The following SPTBN4 variants were observed in gnomAD, a reference collection of about 807,000 sequenced individuals.
The protein encoded by SPTBN4 is spectrin beta chain, non-erythrocytic 4.
Under a neutral mutation model 277.8 loss-of-function variants are expected in SPTBN4, and 96 were observed. The ratio of observed to expected loss-of-function variants is 0.35; its 90% CI spans 0.29 to 0.41. The LOEUF (loss-of-function observed/expected upper bound fraction) is 0.41. SPTBN4 is among the 10% of genes least tolerant of loss of function. SPTBN4 has a pLI of 1.00. For missense variants in SPTBN4, 3,006 were observed against 3,595.7 expected (o/e 0.84, Z 4.19); for synonymous variants, 1,481 against 1,580.3 (o/e 0.94, Z 1.49).
chr19:40,530,407 GGGCAGGGAGGCA>G (rs1474096731), intron 18 of SPTBN4: 10 of 731,360 alleles, frequency 1.4e-5, no homozygotes, highest in Non-Finnish European at 1.7e-5. Flanking sequence ...GCAAAGAGGC[GGGCAGGGAGGCA>G]GGCAGGGGGC....
chr19:40,571,067 T>A, intron 33 of SPTBN4: 7 of 261,616 alleles, frequency 2.7e-5, no homozygotes, highest in Non-Finnish European at 3.7e-5. Flanking sequence ...AGAGCTTAGG[T>A]GGGAACAGAA....
In SPTBN4 at chr19:40,534,121, C is replaced by A. The variant is rs754849211; in HGVS notation, c.4137C>A (p.Ala1379=). The A allele has an allele frequency of 6.2e-7, 1 of 1,610,066 alleles. No individual in the cohort carries two copies. The highest frequency in any genetic ancestry group is 1.1e-5 in the South Asian group (1 of 90,752). ...QLMQEKPELA[A]SVRKKLGEIR... ...TGCAGGAGAAGCCCGAACTGGCGGC[C>A]TCCGTGCGGAAGAAGCTGGGCGAGA... Residue 1379 remains alanine, a synonymous_variant, in exon 20 of 36, where the codon GCC becomes GCA. Coordinates refer to ENST00000598249, the MANE Select transcript of SPTBN4 (RefSeq NM_020971.3).
At chr19:40,530,732 AC>A in intron 18 of SPTBN4, 1 of 225,840 alleles carries the variant, frequency 4.4e-6, no homozygotes, top group Non-Finnish European at 7.0e-6. Context: ...AGGCGCCCGG[AC>A]CCCCACCCTG....
intron 7 of SPTBN4, among the ~76,000 whole-genome samples, chr19:40,498,373 TTTTATTTATTTATTTATTTATTTA>T (rs372763000): frequency 9.3e-4 from 131 of 141,160 alleles, no homozygotes; most frequent in African/African-American, 3.2e-3. Context: ...TTTTATTTTA[TTTTATTTATTTATTTATTTATTTA>T]TTTATTTATT....
chr19:40,495,025 A>G, intron 6 of SPTBN4, 48 bp downstream of exon 6: 2 of 1,562,708 alleles, frequency 1.3e-6, no homozygotes, highest in Middle Eastern at 1.7e-4. Flanking sequence ...AGCCCCCCAT[A>G]TCCCTGCAGC....
chr19:40,467,409 C>T (rs916413895), intron 1 of SPTBN4, 104 bp downstream of exon 1: 2 of 152,464 alleles, frequency 1.3e-5, no homozygotes, highest in Non-Finnish European at 2.9e-5. Context: ...CCGGGTCTCC[C>T]CGGCTGGAGG....
intron 2 of SPTBN4, among the ~76,000 whole-genome samples, chr19:40,485,253 G>A (rs1385919081): frequency 3.9e-5 from 6 of 152,148 alleles, no homozygotes; most frequent in African/African-American, 1.4e-4. Flanking sequence ...TGGTTCAAGC[G>A]ATTGTCATCC....
rs1341879730 is a variant in SPTBN4 at position 40,524,718 on chromosome 19, A to G, written c.3857+1079A>G. On this transcript the variant is annotated intron_variant, in intron 17 of 35. Coordinates refer to ENST00000598249, the MANE Select transcript of SPTBN4 (RefSeq NM_020971.3). ...TAAGCACCTCTTCCTGGCCCCAGCC[A>G]CTCTAGGAAGCATGCAAAGTGAGTG... 1.4e-5 allele frequency: 6 copies of G among 424,570 alleles called. No homozygotes were observed. In the Admixed American group the frequency reaches 1.5e-4, roughly 11 times the overall value. 26.3% of individuals were successfully genotyped at this position (424,570 alleles called of 1,614,324 possible). A position where few individuals can be genotyped will look rare whatever the true frequency, so the allele number is the denominator to read the frequency against.
Position 40,550,232 on chromosome 19 carries a change from C to T in SPTBN4, c.4585-6C>T, listed in dbSNP as rs368706451. 1.3e-5 allele frequency: 21 copies of T among 1,613,470 alleles called. No individual in the cohort carries two copies. The African/African-American group carries it at 2.7e-4, about 21-fold the overall frequency. On this transcript the variant is annotated splice_region_variant and splice_polypyrimidine_tract_variant and intron_variant, in intron 21 of 35. Transcript: ENST00000598249. ...CCCCTTGACCTGCTTCCTGTGTCCT[C>T]TCCAGGCATGGGTTCAGGAGCGGCT...
intron 2 of SPTBN4, among the ~76,000 whole-genome samples, chr19:40,476,243 G>A (rs184602448): frequency 4.6e-5 from 7 of 151,412 alleles, no homozygotes; most frequent in South Asian, 4.2e-4. Flanking sequence ...TACTCAGGAG[G>A]ATGAGGCAGG....
At chr19:40,530,152 C>A (rs981520099) in intron 18 of SPTBN4, among the ~76,000 whole-genome samples, 2 of 152,122 alleles carry the variant, frequency 1.3e-5, no homozygotes, top group African/African-American at 4.8e-5. Context: ...GGAGCCCGAG[C>A]TTCTTCCCAT....
chr19:40,569,752 G>C, intron 32 of SPTBN4, 26 bp downstream of exon 32: 2 of 1,597,428 alleles, frequency 1.3e-6, no homozygotes, highest in Non-Finnish European at 1.7e-6. Context: ...GATGGGTGGG[G>C]ATAGGAGGAC....
intron 14 of SPTBN4, 125 bp downstream of exon 14, chr19:40,513,679 A>G (rs1003207588): frequency 1.9e-6 from 2 of 1,065,608 alleles, no homozygotes; most frequent in African/African-American, 3.2e-5. Flanking sequence ...CTTCACCCAT[A>G]GCCAGCTTTG....
At chr19:40,475,127 C>G (rs2079932977) in intron 2 of SPTBN4, among the ~76,000 whole-genome samples, 1 of 152,026 alleles carries the variant, frequency 6.6e-6, no homozygotes, top group African/African-American at 2.4e-5. Context: ...ACTGTAGACC[C>G]TTGAACCTTA....
rs778003215 is a variant in SPTBN4, at chr19:40,557,262, C to A, written c.5529C>A (p.Ala1843=). The part of the protein sequence containing the change: ...SRELHKFFSD[A]RELQGQIEEK... ...AGCTTCATAAGTTCTTCAGTGACGC[C>A]CGAGAGCTTCAGGGACAGATTGAGG... Residue 1843 remains alanine (A), a synonymous_variant, in exon 26 of 36, where the codon GCC becomes GCA. Coordinates refer to ENST00000598249, the MANE Select transcript of SPTBN4 (RefSeq NM_020971.3). 6.2e-7 allele frequency: 1 copy of A among 1,613,604 alleles called. No homozygotes were observed. Among genetic ancestry groups the A allele is most frequent in the Non-Finnish European group, 8.5e-7 (1 of 1,179,892 alleles).
intron 4 of SPTBN4, among the ~76,000 whole-genome samples, chr19:40,492,194 A>G (rs1333328566): frequency 1.3e-5 from 2 of 151,964 alleles, no homozygotes; most frequent in Non-Finnish European, 2.9e-5. Context: ...AGTGGAGTGG[A>G]CAGGCCTTAC....
Position 40,556,297 on chromosome 19 carries a change from C to A in SPTBN4, c.5289+9C>A, listed in dbSNP as rs1294157607. 1.2e-6 allele frequency: 2 copies of A among 1,608,030 alleles called. No individual in the cohort carries two copies. The highest frequency in any genetic ancestry group is 1.1e-5 in the South Asian group (1 of 90,706). Reference sequence around the variant, plus strand: ...ACTTTGAGCATGTCTCGGTGAGCATCATTAGTAATAAGTGATACCAGGAGC... The same window carrying A: ...ACTTTGAGCATGTCTCGGTGAGCATAATTAGTAATAAGTGATACCAGGAGC... On this transcript the variant is annotated intron_variant, in intron 25 of 35. Coordinates refer to ENST00000598249, the MANE Select transcript of SPTBN4 (RefSeq NM_020971.3).
At chr19:40,527,265 ATACTG>A (rs2080603729) in intron 17 of SPTBN4, among the ~76,000 whole-genome samples, 1 of 152,074 alleles carries the variant, frequency 6.6e-6, no homozygotes, top group South Asian at 2.1e-4. Flanking sequence ...TCTTTCACAG[ATACTG>A]TACTTTTGTT....
chr19:40,569,072 G>A (rs1348970797), intron 31 of SPTBN4, among the ~76,000 whole-genome samples: 4 of 152,086 alleles, frequency 2.6e-5, no homozygotes, highest in Non-Finnish European at 5.9e-5. Context: ...TGGGGGACTG[G>A]AGAGTCAGGG....
Sources: allele counts gnomAD v4.1 joint callset (sites outside exome capture counted in the v4.1 genomes callset), GRCh38; gene constraint gnomAD v4.1.1; transcripts MANE v1.5; gene names NCBI Gene and HGNC (gene_info 2026-07-23, HGNC 2026-07-21).